KLRF1: variants seen among roughly 807,000 people sequenced by gnomAD.
KLRF1 encodes killer cell lectin-like receptor subfamily F member 1.
A neutral mutation model predicts 30.7 loss-of-function variants in KLRF1; 27 were observed. The observed-to-expected ratio is 0.88, with a 90% CI of 0.65 to 1.21. KLRF1 has a LOEUF of 1.21. KLRF1 is among the 50% of genes most tolerant of loss of function. The probability of loss-of-function intolerance (pLI) is 0.00; values close to 1 mark genes in which losing one functional copy is unlikely to be tolerated. For missense variants in KLRF1, 246 were observed against 259.3 expected (o/e 0.95, Z 0.35); for synonymous variants, 92 against 89.3 (o/e 1.03, Z -0.17).
intron 1 of KLRF1, among the ~76,000 whole-genome samples, chr12:9,828,493 T>C (rs967366891): frequency 5.3e-5 from 8 of 152,216 alleles, no homozygotes; most frequent in African/African-American, 1.4e-4. Flanking sequence ...ACTTCAAGCA[T>C]ACCCTCCATA....
At chr12:9,816,069 C>T in the KLRF1 span, among the ~76,000 whole-genome samples, 8 of 152,180 alleles carry the variant, frequency 5.3e-5, no homozygotes, top group South Asian at 4.1e-4. Context: ...CTGCCCGCCT[C>T]GGCCTCCCAA....
the KLRF1 span, among the ~76,000 whole-genome samples, chr12:9,820,387 G>A: frequency 6.6e-6 from 1 of 152,182 alleles, no homozygotes; most frequent in East Asian, 1.9e-4. Flanking sequence ...CGCTGGGCGG[G>A]TCTTCTCAGC....
chr12:9,838,676 A>G (rs1867640376), intron 3 of KLRF1, among the ~76,000 whole-genome samples: 1 of 152,138 alleles, frequency 6.6e-6, no homozygotes, highest in Admixed American at 6.6e-5. Context: ...ATTTTTTACC[A>G]TGTTGCCTTT....
chr12:9,842,366 G>T lies in KLRF1; in HGVS notation c.520G>T (p.Gly174Trp). ...AAGACAATTAAACTACGTATGGATT[G>T]GGCTTAACTTTACCTCCTTGAAAAT... Reference protein sequence around the residue: ...NLRQLNYVWIGLNFTSLKMTW... With the variant: ...NLRQLNYVWIWLNFTSLKMTW... The change falls in exon 5 of 6, where the codon GGG (glycine) becomes TGG (tryptophan). Residue 174 changes from glycine to tryptophan, a missense_variant. Transcript: ENST00000617889. The T allele has an allele frequency of 6.2e-7, 1 of 1,611,950 alleles. No homozygotes were observed. The highest frequency in any genetic ancestry group is 8.5e-7 in the Non-Finnish European group (1 of 1,178,540).
the KLRF1 span, among the ~76,000 whole-genome samples, chr12:9,806,312 G>A: frequency 6.6e-6 from 1 of 151,918 alleles, no homozygotes; most frequent in South Asian, 2.1e-4. Context: ...GCTGTAAGTT[G>A]TTTAAGTTCC....
the KLRF1 span, among the ~76,000 whole-genome samples, chr12:9,819,802 G>T: frequency 6.6e-6 from 1 of 152,178 alleles, no homozygotes; most frequent in African/African-American, 2.4e-5. Context: ...TGGCCAGATT[G>T]CCTTTCCATG....
intron 3 of KLRF1, among the ~76,000 whole-genome samples, chr12:9,837,945 C>G (rs1336901183): frequency 6.6e-6 from 1 of 152,194 alleles, no homozygotes; most frequent in Non-Finnish European, 1.5e-5. Context: ...CACCTACAGC[C>G]AGGCCCCTGC....
At chr12:9,823,640 G>A (rs1479249896), upstream of KLRF1, among the ~76,000 whole-genome samples, 6 of 151,656 alleles carry the variant, frequency 4.0e-5, no homozygotes, top group African/African-American at 1.5e-4. Context: ...ACCAAAATCA[G>A]AGCTGAACGG....
the KLRF1 span, among the ~76,000 whole-genome samples, chr12:9,802,587 C>T: frequency 6.6e-6 from 1 of 151,864 alleles, no homozygotes; most frequent in Non-Finnish European, 1.5e-5. Context: ...TTTAGAAAAC[C>T]CCATTGTCTC....
At chr12:9,811,319 C>CAAAAAAAAAAAAA in the KLRF1 span, among the ~76,000 whole-genome samples, 1 of 62,184 alleles carries the variant, frequency 1.6e-5, no homozygotes, top group Admixed American at 2.2e-4. Flanking sequence ...AGAAGTAGTC[C>CAAAAAAAAAAAAA]AAAAAAAAAA....
At chr12:9,832,769 T>A (rs1001074043) in intron 2 of KLRF1, among the ~76,000 whole-genome samples, 3 of 152,088 alleles carry the variant, frequency 2.0e-5, no homozygotes, top group African/African-American at 4.8e-5. Context: ...ACTGTTTTGC[T>A]TAAATATTTT....
Position 9,844,726 on chromosome 12 carries a change from A to T in KLRF1, c.*200A>T, listed in dbSNP as rs1486141631. The T allele has an allele frequency of 1.2e-5, 5 of 407,494 alleles. No homozygotes were observed. The highest frequency in any genetic ancestry group is 2.2e-5 in the Non-Finnish European group (5 of 222,320). 25.2% of individuals were successfully genotyped at this position (407,494 alleles called of 1,614,324 possible). ...CTAAAATGTACACTTCAAAATTTTT[A>T]CGTGATAGTATAAACCAATGTGACT... On this transcript the variant is annotated 3_prime_UTR_variant, in exon 6 of 6. Coordinates refer to ENST00000617889, the MANE Select transcript of KLRF1 (RefSeq NM_016523.3).
chr12:9,841,535 T>A (rs954869682), intron 3 of KLRF1, among the ~76,000 whole-genome samples: 1 of 152,100 alleles, frequency 6.6e-6, no homozygotes, highest in Non-Finnish European at 1.5e-5. Context: ...CAAATAGCTA[T>A]TTTATTTTGT....
chr12:9,816,733 CT>C, the KLRF1 span, among the ~76,000 whole-genome samples: 2,409 of 132,794 alleles, frequency 0.018, 41 homozygotes, highest in African/African-American at 0.06. Flanking sequence ...GCATTCTCTT[CT>C]TTTTTTTTTT....
intron 3 of KLRF1, 122 bp from the exon 4 acceptor site, chr12:9,841,690 T>C: frequency 3.0e-6 from 2 of 666,210 alleles, no homozygotes; most frequent in Non-Finnish European, 4.7e-6. Context: ...GACAATTTGC[T>C]ATAAGTGATT....
the KLRF1 span, among the ~76,000 whole-genome samples, chr12:9,819,915 A>C: frequency 2.6e-4 from 39 of 152,316 alleles, no homozygotes; most frequent in African/African-American, 9.1e-4. Flanking sequence ...CCTCCCTAGG[A>C]TGGAGCTCCC....
At chr12:9,816,438 A>G in the KLRF1 span, among the ~76,000 whole-genome samples, 1 of 152,246 alleles carries the variant, frequency 6.6e-6, no homozygotes, top group Middle Eastern at 3.4e-3. Flanking sequence ...CTCTTAAAAA[A>G]CTGAATCCCA....
the KLRF1 span, among the ~76,000 whole-genome samples, chr12:9,814,158 G>A: frequency 6.6e-6 from 1 of 152,098 alleles, no homozygotes; most frequent in Non-Finnish European, 1.5e-5. Flanking sequence ...TCTACACCCC[G>A]GGGGAATCGG....
At chr12:9,811,742 C>T in the KLRF1 span, among the ~76,000 whole-genome samples, 1 of 152,086 alleles carries the variant, frequency 6.6e-6, no homozygotes, top group African/African-American at 2.4e-5. Context: ...CGGGAAAATC[C>T]GAAAGTTCAC....
Sources: gnomAD v4.1 joint callset for allele counts (sites outside exome capture counted in the v4.1 genomes callset) on GRCh38, gnomAD v4.1.1 for gene constraint, MANE v1.5 for transcripts, NCBI Gene and HGNC (gene_info 2026-07-23, HGNC 2026-07-21) for gene names.